TAF5L: variants seen among roughly 807,000 people sequenced by gnomAD.
TAF5L encodes TAF5-like RNA polymerase II p300/CBP-associated factor-associated factor 65 kDa subunit 5L.
A neutral mutation model predicts 51.3 loss-of-function variants in TAF5L; 7 were observed. The observed-to-expected ratio is 0.14, with a 90% CI of 0.08 to 0.26. The LOEUF (loss-of-function observed/expected upper bound fraction) is 0.26, where lower values mean the gene tolerates loss of function less well. Ranked by LOEUF, TAF5L falls within the 10% of genes least tolerant of loss-of-function variation. The pLI is 1.00. For missense variants in TAF5L, 575 were observed against 758.9 expected, an observed-to-expected ratio of 0.76 and a Z score of 2.85; for synonymous variants, 291 against 308.1, an observed-to-expected ratio of 0.94 and a Z score of 0.58.
Position 229,624,039 on chromosome 1 carries a change from G to T in TAF5L, c.-4+1846C>A, listed in dbSNP as rs143755921. On this transcript the variant is annotated intron_variant, in intron 1 of 4. Coordinates refer to ENST00000258281, the Ensembl canonical transcript of TAF5L. ...CGTGACTTCTAGTACTGTCCACTGA[G>T]TAATACTGGTTTAACAGATGACCCC... Among the ~76,000 whole-genome samples the T allele has an allele frequency of 1.1e-3, 174 of 152,310 alleles. 1 individual carries two copies. Among genetic ancestry groups the T allele is most frequent in the African/African-American group, 4.1e-3 (170 of 41,564 alleles).
rs995158608 is a variant in TAF5L, at chr1:229,594,972, G to A, written c.1095C>T (p.Ser365=). 6.2e-7 allele frequency: 1 copy of A among 1,614,206 alleles called. No individual in the cohort carries two copies. Among genetic ancestry groups the A allele is most frequent in the African/African-American group, 1.3e-5 (1 of 75,042 alleles). Reference sequence around the variant, plus strand: ...AACTCCCCAGATCCCAGTATCTGATGGACATGTCTTCAGAACAAGAGAGCA... The same window carrying A: ...AACTCCCCAGATCCCAGTATCTGATAGACATGTCTTCAGAACAAGAGAGCA... Residue 365 remains serine, a synonymous_variant, in exon 5 of 5, where the codon TCC becomes TCT. Transcript: ENST00000258281. The surrounding 1 kb of genome is among the most constrained non-coding windows in gnomAD (Gnocchi z 7.9).
chr1:229,602,155 A>G lies in TAF5L; in HGVS notation c.972+40T>C, dbSNP rs1571834489. 5 of 1,583,258 alleles carry G rather than the reference A, an allele frequency of 3.2e-6. No homozygotes were observed. In the East Asian group the frequency reaches 1.1e-4, roughly 36 times the overall value. On this transcript the variant is annotated intron_variant, in intron 4 of 4. Coordinates refer to ENST00000258281, the Ensembl canonical transcript of TAF5L. This position sits in a 1 kb window ranked among gnomAD's most constrained non-coding sequence, Gnocchi z 4.6. ...TTGGTAAGGACATTCTAAGGAAATT[A>G]GGAAGGCGGGTGCAGGGAAGAAAAA...
chr1:229,617,915 A>T (rs146934613), intron 1 of TAF5L, among the ~76,000 whole-genome samples: 32 of 152,258 alleles, frequency 2.1e-4, no homozygotes, highest in African/African-American at 7.7e-4. Context: ...AATCAACTGT[A>T]TGGCCATGGA....
intron 3 of TAF5L, among the ~76,000 whole-genome samples, chr1:229,603,171 G>C (rs1664451496): frequency 6.6e-6 from 1 of 152,196 alleles, no homozygotes; most frequent in Admixed American, 6.5e-5. Flanking sequence ...TTAATGCCCA[G>C]AGTGGTTAAG....
chr1:229,610,331 C>T, intron 2 of TAF5L, 121 bp from the exon 3 acceptor site: 1 of 880,506 alleles, frequency 1.1e-6, no homozygotes, highest in South Asian at 1.6e-5. Context: ...GACATTTCAG[C>T]AGGTTTCCAA....
At chr1:229,615,836 C>T (rs373562348) in intron 1 of TAF5L, among the ~76,000 whole-genome samples, 16 of 152,282 alleles carry the variant, frequency 1.1e-4, no homozygotes, top group African/African-American at 3.8e-4. Flanking sequence ...TTTTGGAATG[C>T]ATTTCATGTA....
In TAF5L at chr1:229,603,983, C is replaced by T. The variant is rs539499109; in HGVS notation, c.248-1064G>A. ...CAAGGTAGTTCTGGCAAAATCCATC[C>T]GTTACATTCACTCAGTGTTATTTTC... On this transcript the variant is annotated intron_variant, in intron 3 of 4. Transcript: ENST00000258281. 3.3e-5 allele frequency among the ~76,000 whole-genome samples: 5 copies of T among 152,280 alleles called. No individual in the cohort carries two copies. In the South Asian group the frequency reaches 1.0e-3, roughly 32 times the overall value.
rs758136290 is a variant in TAF5L, at chr1:229,602,768, C to T, written c.399G>A (p.Gln133=). ...TCTGTAGCTGCTCAATGACATCCTTCTGGCTAGCATTCTGCAGAAACATTC... is the reference window on the plus strand; with the variant it reads ...TCTGTAGCTGCTCAATGACATCCTTTTGGCTAGCATTCTGCAGAAACATTC... Residue 133 remains glutamine (Q), a synonymous_variant, in exon 4 of 5, where the codon CAG becomes CAA. Coordinates refer to ENST00000258281, the Ensembl canonical transcript of TAF5L. The surrounding 1 kb of genome is among the most constrained non-coding windows in gnomAD (Gnocchi z 4.6). 6.2e-7 allele frequency: 1 copy of T among 1,614,102 alleles called. No homozygotes were observed. Among genetic ancestry groups the T allele is most frequent in the South Asian group, 1.1e-5 (1 of 91,078 alleles).
chr1:229,601,222 T>C (rs1664361845), intron 4 of TAF5L: 4 of 985,308 alleles, frequency 4.1e-6, no homozygotes, highest in Non-Finnish European at 3.6e-6. Context: ...AGGAAAACAA[T>C]GGTTTAATTT....
In TAF5L at chr1:229,594,624, C is replaced by G; in HGVS notation, c.1443G>C (p.Lys481Asn). Residue 481 changes from lysine (K) to asparagine (N), a missense_variant, in exon 5 of 5, where the codon AAG (lysine) becomes AAC (asparagine). Physicochemically the swap from Lys to Asn is moderately conservative, Grantham distance 94. This residue lies in a region of TAF5L where 104 missense variants were observed against 218.3 expected (regional missense o/e 0.48). Transcript: ENST00000258281. This position sits in a 1 kb window ranked among gnomAD's most constrained non-coding sequence, Gnocchi z 7.9. Reference sequence around the variant, plus strand: ...GGTCCTCGCCAGCAGACGCCAAGTACTTACCGTTGGGAGAAAAGGCGAGAG... The same window carrying G: ...GGTCCTCGCCAGCAGACGCCAAGTAGTTACCGTTGGGAGAAAAGGCGAGAG... 1 of 1,614,194 alleles carries G rather than the reference C, an allele frequency of 6.2e-7. No homozygotes were observed. Among genetic ancestry groups the G allele is most frequent in the Non-Finnish European group, 8.5e-7 (1 of 1,180,038 alleles).
Position 229,610,334 on chromosome 1 carries a change from G to A in TAF5L, c.143-124C>T, listed in dbSNP as rs561632528. On this transcript the variant is annotated intron_variant, in intron 2 of 4. Transcript: ENST00000258281. ...CGCACAGCAACTGACATTTCAGCAG[G>A]TTTCCAAAGCATGCTGGGTCCTGGT... is the stretch of plus-strand genomic sequence containing the variant. The A allele has an allele frequency of 1.3e-3, 1,089 of 841,908 alleles. 4 individuals carry two copies. Among genetic ancestry groups the A allele is most frequent in the Middle Eastern group, 4.2e-3 (18 of 4,256 alleles). The allele number at this position is 841,908 out of a possible 1,614,324, so 52.2% of individuals were successfully genotyped here. A position where few individuals can be genotyped will look rare whatever the true frequency, so the allele number is the denominator to read the frequency against.
intron 1 of TAF5L, among the ~76,000 whole-genome samples, chr1:229,623,173 C>G (rs1253315420): frequency 1.3e-5 from 2 of 152,198 alleles, no homozygotes; most frequent in African/African-American, 4.8e-5. Context: ...ACTGGGGAGG[C>G]TGAGGCAGGA....
At chr1:229,623,622 C>A (rs1263214731) in intron 1 of TAF5L, among the ~76,000 whole-genome samples, 4 of 152,214 alleles carry the variant, frequency 2.6e-5, no homozygotes, top group Admixed American at 6.5e-5. Context: ...ACAGAACTTA[C>A]CCTATTCTTG....
At chr1:229,609,501 T>A (rs80072679) in intron 3 of TAF5L, among the ~76,000 whole-genome samples, 258 of 152,242 alleles carry the variant, frequency 1.7e-3, no homozygotes, top group African/African-American at 4.4e-3. Context: ...GGGCTCTTAA[T>A]GTTTTTCTTC....
intron 3 of TAF5L, among the ~76,000 whole-genome samples, chr1:229,609,668 T>G (rs189061718): frequency 6.6e-6 from 1 of 152,222 alleles, no homozygotes. Flanking sequence ...CATTGTGAAA[T>G]GTACTATATT....
In TAF5L at chr1:229,625,706, G is replaced by A. The variant is rs1002329628; in HGVS notation, c.-4+179C>T. ...CCGAGGGCGGAGGCGCGGCCGTCGC[G>A]CCCGCGCAGAGCCGCCCGCCGCCCC... On this transcript the variant is annotated intron_variant, in intron 1 of 4. Transcript: ENST00000258281. This position sits in a 1 kb window ranked among gnomAD's most constrained non-coding sequence, Gnocchi z 4.0. 1.4e-4 allele frequency among the ~76,000 whole-genome samples: 21 copies of A among 146,930 alleles called. No homozygotes were observed. The highest frequency in any genetic ancestry group is 5.2e-4 in the African/African-American group (21 of 40,760).
Position 229,598,721 on chromosome 1 carries a change from C to T in TAF5L, c.972+3474G>A, listed in dbSNP as rs536464768. On this transcript the variant is annotated intron_variant, in intron 4 of 4. Coordinates refer to ENST00000258281, the Ensembl canonical transcript of TAF5L. Reference sequence around the variant, plus strand: ...TTTTTTTTTTTCTTTTTTTTTGAGACAGAATCTCACTCTATCGCCCAGGCT... The same window carrying T: ...TTTTTTTTTTTCTTTTTTTTTGAGATAGAATCTCACTCTATCGCCCAGGCT... Among the ~76,000 whole-genome samples, 110 of 143,032 alleles carry T rather than the reference C, an allele frequency of 7.7e-4. 1 individual carries two copies. In the South Asian group the frequency reaches 0.023, roughly 30 times the overall value. The allele number at this position is 143,032 out of a possible 152,430, so 93.8% of individuals were successfully genotyped here. A position where few individuals can be genotyped will look rare whatever the true frequency, so the allele number is the denominator to read the frequency against.
At chr1:229,605,108 G>GTATGTGTATATA (rs1553270421) in intron 3 of TAF5L, among the ~76,000 whole-genome samples, 11 of 118,660 alleles carry the variant, frequency 9.3e-5, no homozygotes, top group African/African-American at 2.9e-4. Flanking sequence ...ATTTTTGTAT[G>GTATGTGTATATA]TATATATATA....
chr1:229,617,898 G>C (rs1364514008), intron 1 of TAF5L, among the ~76,000 whole-genome samples: 4 of 152,148 alleles, frequency 2.6e-5, no homozygotes, highest in Non-Finnish European at 5.9e-5. Context: ...CCTGAGGGTG[G>C]GTGGTGAATC....
Sources: gnomAD v4.1 joint callset for allele counts (sites outside exome capture counted in the v4.1 genomes callset) on GRCh38, gnomAD v4.1.1 for gene constraint, gnomAD v4.1.1 regional missense constraint, Gnocchi (gnomAD v3.1) non-coding constraint, MANE v1.5 for transcripts, NCBI Gene and HGNC (gene_info 2026-07-23, HGNC 2026-07-21) for gene names.